Variants in RBFOX1 observed in about 807,000 individuals in gnomAD.
The protein encoded by RBFOX1 is RNA binding protein fox-1 homolog 1.
Under a neutral mutation model 57.7 loss-of-function variants are expected in RBFOX1, and 8 were observed. That is an observed-to-expected ratio of 0.14 (90% CI 0.08 to 0.25). The LOEUF (loss-of-function observed/expected upper bound fraction) is 0.25, where lower values mean the gene tolerates loss of function less well. RBFOX1 is among the 10% of genes least tolerant of loss of function. The pLI, the probability that RBFOX1 is intolerant of heterozygous loss-of-function variation, is 1.00. For synonymous variants in RBFOX1, 326 were observed against 222.4 expected, an observed-to-expected ratio of 1.47 and a Z score of -4.15; for missense variants, 611 against 548.5, an observed-to-expected ratio of 1.11 and a Z score of -1.14.
At chr16:5,494,333 GTC>G (rs1463553844) in intron 2 of RBFOX1, among the ~76,000 whole-genome samples, 1 of 152,206 alleles carries the variant, frequency 6.6e-6, no homozygotes, top group East Asian at 1.9e-4. Context: ...AGACTTGTGT[GTC>G]AAAGGAGAGT....
chr16:5,462,093 A>G (rs997761803), intron 1 of RBFOX1, among the ~76,000 whole-genome samples: 1 of 152,110 alleles, frequency 6.6e-6, no homozygotes, highest in Non-Finnish European at 1.5e-5. Context: ...CTTTTCAACA[A>G]AAGGTGGAAC....
chr16:7,071,576 T>C (rs116234957), intron 4 of RBFOX1, among the ~76,000 whole-genome samples: 1,534 of 137,658 alleles, frequency 0.011, 31 homozygotes, highest in African/African-American at 0.039. Context: ...CCAACACTAA[T>C]TTGCCCAGAT....
chr16:7,584,975 G>C (rs750567964), intron 6 of RBFOX1, among the ~76,000 whole-genome samples: 25 of 152,156 alleles, frequency 1.6e-4, no homozygotes, highest in Non-Finnish European at 2.9e-4. Context: ...TGTTTGATTG[G>C]TTCTGTCTCA....
chr16:7,252,273 A>T (rs2094524297), intron 4 of RBFOX1, among the ~76,000 whole-genome samples: 2 of 152,182 alleles, frequency 1.3e-5, no homozygotes, highest in South Asian at 4.1e-4. Flanking sequence ...TTTAAATTTT[A>T]AGCTTTTCCT....
intron 1 of RBFOX1, among the ~76,000 whole-genome samples, chr16:6,253,454 C>T (rs2097638165): frequency 2.0e-5 from 3 of 152,126 alleles, no homozygotes; most frequent in African/African-American, 7.2e-5. Context: ...GGTGAGAAGC[C>T]AGAGGCTCGT....
At chr16:5,628,892 C>T (rs1266640519) in intron 3 of RBFOX1, among the ~76,000 whole-genome samples, 2 of 152,172 alleles carry the variant, frequency 1.3e-5, no homozygotes, top group Non-Finnish European at 2.9e-5. Flanking sequence ...AGTCCTAAGA[C>T]GTTAGTCCTA....
chr16:5,423,193 C>T (rs1438104724), intron 1 of RBFOX1, among the ~76,000 whole-genome samples: 1 of 151,920 alleles, frequency 6.6e-6, no homozygotes, highest in Non-Finnish European at 1.5e-5. Context: ...TAAATAGAGT[C>T]CCATGAATAT....
chr16:5,529,414 T>G (rs2044372075), intron 2 of RBFOX1, among the ~76,000 whole-genome samples: 1 of 148,854 alleles, frequency 6.7e-6, no homozygotes, highest in Admixed American at 6.7e-5. Flanking sequence ...TTTTTTAATT[T>G]GAGACAGGGT....
At chr16:5,808,441 T>G (rs185391205) in intron 3 of RBFOX1, among the ~76,000 whole-genome samples, 4 of 152,206 alleles carry the variant, frequency 2.6e-5, no homozygotes, top group Non-Finnish European at 2.9e-5. Context: ...AGTAGTTTTT[T>G]CCAATTCTGT....
intron 2 of RBFOX1, among the ~76,000 whole-genome samples, chr16:6,367,068 A>C (rs892038249): frequency 6.6e-6 from 1 of 152,192 alleles, no homozygotes; most frequent in African/African-American, 2.4e-5. Flanking sequence ...CGCAGCTTGT[A>C]GCTCCTGCCT....
intron 4 of RBFOX1, among the ~76,000 whole-genome samples, chr16:7,182,211 A>C (rs2152529450): frequency 6.6e-6 from 1 of 152,262 alleles, no homozygotes; most frequent in Non-Finnish European, 1.5e-5. Context: ...TCAGATTATA[A>C]GCTACATGAA....
chr16:7,530,532 C>T (rs1284776233), intron 5 of RBFOX1, among the ~76,000 whole-genome samples: 1 of 151,526 alleles, frequency 6.6e-6, no homozygotes, highest in East Asian at 1.9e-4. Context: ...TTCATTTTAT[C>T]TAGTTCTCTC....
intron 3 of RBFOX1, among the ~76,000 whole-genome samples, chr16:6,874,387 G>T (rs112308199): frequency 6.6e-6 from 1 of 151,904 alleles, no homozygotes; most frequent in Non-Finnish European, 1.5e-5. Flanking sequence ...GCAGGTGCCT[G>T]TAGTCCCAGC....
intron 2 of RBFOX1, among the ~76,000 whole-genome samples, chr16:6,654,237 C>T (rs1401166219): frequency 6.6e-6 from 1 of 152,060 alleles, no homozygotes; most frequent in Non-Finnish European, 1.5e-5. Flanking sequence ...ATCTGACTAT[C>T]CTAAATTTTG....
intron 3 of RBFOX1, among the ~76,000 whole-genome samples, chr16:6,659,300 C>G (rs982920851): frequency 2.6e-5 from 4 of 152,032 alleles, no homozygotes; most frequent in African/African-American, 4.8e-5. Flanking sequence ...TGCAGCTAAA[C>G]AGTTTCAGAT....
exon 3 of RBFOX1, chr16:5,599,485 A>G (rs2047295431): frequency 6.0e-6 from 3 of 502,176 alleles, no homozygotes; most frequent in Admixed American, 3.7e-5. Context: ...AACAGTGGCC[A>G]GGAAGTTCCC....
chr16:7,255,593 G>T (rs1245038936), intron 4 of RBFOX1, among the ~76,000 whole-genome samples: 1 of 152,134 alleles, frequency 6.6e-6, no homozygotes, highest in South Asian at 2.1e-4. Context: ...ATTTGTGCAT[G>T]CATGGGCGTA....
In RBFOX1 at chr16:7,286,475, A is replaced by C. The variant is rs370042872; in HGVS notation, c.28-231672A>C. 3.1e-5 allele frequency among the ~76,000 whole-genome samples: 4 copies of C among 131,134 alleles called. No individual in the cohort carries two copies. In the East Asian group the frequency reaches 9.3e-4, roughly 31 times the overall value. The allele number at this position is 131,134 out of a possible 152,430, so 86.0% of individuals were successfully genotyped here. ...TTTTTTTTTTTTTTTTTTGAGATGG[A>C]GTCTTGCTCTGTCACCTAGGCTGGA... On this transcript the variant is annotated intron_variant, in intron 4 of 15. Transcript: ENST00000550418.
At chr16:5,420,384 C>T (rs950614287) in intron 1 of RBFOX1, among the ~76,000 whole-genome samples, 2 of 82,930 alleles carry the variant, frequency 2.4e-5, no homozygotes, top group Non-Finnish European at 4.6e-5. Flanking sequence ...TCTCCACCAC[C>T]CCCATATACA....
Sources: allele counts gnomAD v4.1 joint callset (sites outside exome capture counted in the v4.1 genomes callset), GRCh38; gene constraint gnomAD v4.1.1; transcripts MANE v1.5; gene names NCBI Gene and HGNC (gene_info 2026-07-23, HGNC 2026-07-21).